The following PREX2 variants were observed in gnomAD, a reference collection of about 807,000 sequenced individuals.
The protein encoded by PREX2 is phosphatidylinositol-3,4,5-trisphosphate dependent Rac exchange factor 2, also known as phosphatidylinositol 3,4,5-trisphosphate-dependent Rac exchanger 2 protein.
In PREX2, 107 loss-of-function variants were observed where a neutral mutation model predicts 203.2. The observed-to-expected ratio is 0.53, with a 90% confidence interval of 0.45 to 0.62. PREX2 has a LOEUF of 0.62. Among genes scored for constraint, PREX2 ranks in the 20% least tolerant of loss-of-function variants. PREX2 has a pLI of 0.00. For missense variants in PREX2, 1,777 were observed against 1,955.9 expected (o/e 0.91, Z 1.72); for synonymous variants, 672 against 663.6 (o/e 1.01, Z -0.19).
At chr8:68,129,912 C>G (rs560230854) in intron 31 of PREX2, among the ~76,000 whole-genome samples, 1 of 150,314 alleles carries the variant, frequency 6.7e-6, no homozygotes, top group African/African-American at 2.4e-5. Context: ...CTCAAATTCT[C>G]TGTTTTTCTT....
intron 35 of PREX2, chr8:68,177,297 C>T (rs1180583519): frequency 6.6e-6 from 1 of 152,222 alleles, no homozygotes; most frequent in Non-Finnish European, 1.5e-5. Context: ...GTGGCTCACA[C>T]CTGTAATCCC....
intron 27 of PREX2, chr8:68,118,872 A>G (rs750523966): frequency 1.5e-6 from 1 of 662,366 alleles, no homozygotes; most frequent in South Asian, 1.4e-5. Flanking sequence ...AACTAATTGT[A>G]ATCTTCAGAT....
At chr8:68,184,352 G>C (rs889011904) in intron 35 of PREX2, among the ~76,000 whole-genome samples, 17 of 152,156 alleles carry the variant, frequency 1.1e-4, no homozygotes, top group African/African-American at 3.6e-4. Flanking sequence ...AGTCACACCT[G>C]TAGTCAACTG....
chr8:68,162,680 T>C (rs990223066), intron 35 of PREX2, among the ~76,000 whole-genome samples: 1 of 152,048 alleles, frequency 6.6e-6, no homozygotes, highest in Non-Finnish European at 1.5e-5. Flanking sequence ...AAGAGTATGA[T>C]TGGAGGATCG....
At chr8:68,017,745 A>C in intron 1 of PREX2, 101 bp from the exon 2 acceptor site, 1 of 908,344 alleles carries the variant, frequency 1.1e-6, no homozygotes, top group South Asian at 1.5e-5. Context: ...ATGGAGTTTT[A>C]CACTTTGGTT....
intron 21 of PREX2, among the ~76,000 whole-genome samples, chr8:68,094,716 T>C (rs2129612402): frequency 6.6e-6 from 1 of 152,338 alleles, no homozygotes; most frequent in Non-Finnish European, 1.5e-5. Context: ...ATCCTGTATG[T>C]GTGGGGTTTT....
chr8:68,017,607 A>G (rs1650163759), intron 1 of PREX2, among the ~76,000 whole-genome samples: 1 of 152,228 alleles, frequency 6.6e-6, no homozygotes, highest in African/African-American at 2.4e-5. Context: ...CCTGGTGGAT[A>G]AATTTAACTT....
intron 34 of PREX2, among the ~76,000 whole-genome samples, chr8:68,151,714 A>G (rs1200438541): frequency 6.6e-6 from 1 of 151,830 alleles, no homozygotes; most frequent in African/African-American, 2.4e-5. Context: ...TAAACCAAAT[A>G]GGATATGTGA....
At chr8:68,140,389 CTTATTT>C (rs1399663130) in intron 33 of PREX2, among the ~76,000 whole-genome samples, 2 of 152,268 alleles carry the variant, frequency 1.3e-5, no homozygotes, top group East Asian at 3.9e-4. Context: ...GAATATAATT[CTTATTT>C]TAAGTTGATG....
chr8:68,179,847 G>T (rs533396490), intron 35 of PREX2, among the ~76,000 whole-genome samples: 1 of 152,120 alleles, frequency 6.6e-6, no homozygotes, highest in African/African-American at 2.4e-5. Flanking sequence ...ATTGTTGAAT[G>T]CCACAGGGTT....
intron 1 of PREX2, among the ~76,000 whole-genome samples, chr8:68,008,113 G>T (rs1484801132): frequency 6.6e-6 from 1 of 152,096 alleles, no homozygotes; most frequent in African/African-American, 2.4e-5. Flanking sequence ...ACTTCATGTT[G>T]CTGACTTCTG....
At chr8:68,224,455 GT>G in intron 38 of PREX2, 103 bp from the exon 39 acceptor site, 1 of 870,698 alleles carries the variant, frequency 1.1e-6, no homozygotes, top group East Asian at 2.4e-5. Flanking sequence ...CTCCCTTGAT[GT>G]TAAAGACATT....
chr8:68,091,079 C>T (rs957676178), intron 20 of PREX2, among the ~76,000 whole-genome samples: 4 of 152,048 alleles, frequency 2.6e-5, no homozygotes, highest in Admixed American at 2.0e-4. Flanking sequence ...TATGTATGAA[C>T]TATAAATACC....
intron 7 of PREX2, among the ~76,000 whole-genome samples, chr8:68,043,613 T>C (rs1808261093): frequency 6.6e-6 from 1 of 152,124 alleles, no homozygotes; most frequent in South Asian, 2.1e-4. Flanking sequence ...ATTTTGTCAC[T>C]GAGTCCCATT....
intron 37 of PREX2, among the ~76,000 whole-genome samples, chr8:68,205,973 G>A (rs551086736): frequency 5.9e-5 from 9 of 152,162 alleles, no homozygotes; most frequent in Admixed American, 1.3e-4. Flanking sequence ...AATTTGGACC[G>A]CCTGAATTGA....
chr8:67,967,897 C>G lies in PREX2; in HGVS notation c.141+15362C>G, dbSNP rs187927584. Reference sequence around the variant, plus strand: ...ATTGAACAATGAGAACACTTGGACACAGGGTGGGGAACATCACACACCTGA... The same window carrying G: ...ATTGAACAATGAGAACACTTGGACAGAGGGTGGGGAACATCACACACCTGA... On this transcript the variant is annotated intron_variant, in intron 1 of 39. Coordinates refer to ENST00000288368, the MANE Select transcript of PREX2 (RefSeq NM_024870.4). Among the ~76,000 whole-genome samples, 39 of 152,122 alleles carry G rather than the reference C, an allele frequency of 2.6e-4. No homozygotes were observed. The South Asian group carries it at 2.9e-3, about 11-fold the overall frequency.
intron 18 of PREX2, among the ~76,000 whole-genome samples, chr8:68,086,734 C>T (rs184799607): frequency 6.6e-6 from 1 of 152,164 alleles, no homozygotes; most frequent in East Asian, 1.9e-4. Context: ...AGTTTCCCAT[C>T]TCTTCATAAT....
In PREX2 at chr8:68,232,716, T is replaced by C. The variant is rs1813190466; in HGVS notation, c.*1338T>C. 6.6e-6 allele frequency: 1 copy of C among 152,178 alleles called. No homozygotes were observed. The highest frequency in any genetic ancestry group is 1.5e-5 in the Non-Finnish European group (1 of 68,068). 9.4% of individuals were successfully genotyped at this position (152,178 alleles called of 1,614,324 possible). A position where few individuals can be genotyped will look rare whatever the true frequency, so the allele number is the denominator to read the frequency against. ...TCACTGCAACCTCCACCTCCTGGGT[T>C]CAAGCCATTCTCTTGCCTCAGCCTC... On this transcript the variant is annotated 3_prime_UTR_variant, in exon 40 of 40. Transcript: ENST00000288368.
chr8:68,207,766 C>T (rs1421325403), intron 37 of PREX2, among the ~76,000 whole-genome samples: 1 of 152,040 alleles, frequency 6.6e-6, no homozygotes, highest in African/African-American at 2.4e-5. Context: ...CCCAAGGTCA[C>T]ACAGTTATTA....
Sources: gnomAD v4.1 joint callset for allele counts (sites outside exome capture counted in the v4.1 genomes callset) on GRCh38, gnomAD v4.1.1 for gene constraint, MANE v1.5 for transcripts, NCBI Gene and HGNC (gene_info 2026-07-23, HGNC 2026-07-21) for gene names.